Variants in BRSK2 observed in about 807,000 individuals in gnomAD.
BRSK2 encodes the protein BR serine/threonine kinase 2.
Under a neutral mutation model 83.3 loss-of-function variants are expected in BRSK2, and 19 were observed. The observed-to-expected ratio is 0.23, with a 90% confidence interval of 0.16 to 0.33. BRSK2 has a LOEUF of 0.33. BRSK2 is among the 10% of genes least tolerant of loss of function. The pLI is 1.00. For synonymous variants in BRSK2, 519 were observed against 435.4 expected (o/e 1.19, Z -2.39); for missense variants, 798 against 1,042.3 (o/e 0.77, Z 3.23).
intron 1 of BRSK2, among the ~76,000 whole-genome samples, chr11:1,421,128 G>T (rs1163051299): frequency 6.6e-6 from 1 of 152,206 alleles, no homozygotes; most frequent in Non-Finnish European, 1.5e-5. Context: ...CCTCCTCCTG[G>T]TACAGTCCCA....
In BRSK2 at chr11:1,450,708, T is replaced by C; in HGVS notation, c.1409T>C (p.Val470Ala). 1.2e-6 allele frequency: 2 copies of C among 1,606,428 alleles called. No individual in the cohort carries two copies. The highest frequency in any genetic ancestry group is 8.5e-7 in the Non-Finnish European group (1 of 1,177,846). ...CCCACGCCCCCGTCCAGCCCCAGCG[T>C]CGGAGGGGTGCCCTGGAGGGCGCGG... ...PNPTPPSSPS[V>A]GGVPWRARLN... Residue 470 changes from valine to alanine, a missense_variant, in exon 14 of 20, where the codon GTC becomes GCC. Coordinates refer to ENST00000528841, the MANE Select transcript of BRSK2 (RefSeq NM_001256627.2).
intron 1 of BRSK2, among the ~76,000 whole-genome samples, chr11:1,427,412 C>T (rs528762189): frequency 4.6e-5 from 7 of 152,300 alleles, no homozygotes; most frequent in South Asian, 2.1e-4. Context: ...CTCTCCTGGC[C>T]GGCTCAGGAG....
Position 1,411,851 on chromosome 11 carries a change from C to T in BRSK2, c.91+21476C>T, listed in dbSNP as rs532127856. 2.0e-3 allele frequency among the ~76,000 whole-genome samples: 300 copies of T among 152,312 alleles called. 1 individual carries two copies. The highest frequency in any genetic ancestry group is 7.0e-3 in the African/African-American group (293 of 41,584). Reference sequence around the variant, plus strand: ...GTGGAGAGGCTCCTGCCCACTGGCCCGGCCTGGCATCCGGGCCCTCATCTT... The same window carrying T: ...GTGGAGAGGCTCCTGCCCACTGGCCTGGCCTGGCATCCGGGCCCTCATCTT... On this transcript the variant is annotated intron_variant, in intron 1 of 19. Coordinates refer to ENST00000528841, the MANE Select transcript of BRSK2 (RefSeq NM_001256627.2).
chr11:1,449,322 G>A (rs1027964737), intron 12 of BRSK2, among the ~76,000 whole-genome samples: 4 of 152,330 alleles, frequency 2.6e-5, no homozygotes, highest in South Asian at 4.1e-4. Flanking sequence ...CATCCCTCAC[G>A]GGCATCTAGG....
chr11:1,457,047 C>T (rs1329848233), intron 18 of BRSK2: 5 of 1,581,830 alleles, frequency 3.2e-6, no homozygotes, highest in Admixed American at 1.7e-5. Context: ...CTGACGCTGG[C>T]AGGTAAGGCG....
At chr11:1,426,647 G>C (rs944832790) in intron 1 of BRSK2, among the ~76,000 whole-genome samples, 1 of 152,110 alleles carries the variant, frequency 6.6e-6, no homozygotes, top group Admixed American at 6.5e-5. Flanking sequence ...AAGGTGCCCC[G>C]TGTCTTTTCT....
intron 1 of BRSK2, chr11:1,411,259 G>T: frequency 7.7e-7 from 1 of 1,298,222 alleles, no homozygotes; most frequent in South Asian, 2.6e-5. Context: ...CCTTGCTCCT[G>T]GGCCAGATCA....
chr11:1,440,722 G>A lies in BRSK2; in HGVS notation c.273-66G>A, dbSNP rs1851112363. 8.6e-6 allele frequency: 13 copies of A among 1,519,062 alleles called. No homozygotes were observed. In the African/African-American group the frequency reaches 1.1e-4, roughly 13 times the overall value. 94.1% of individuals were successfully genotyped at this position (1,519,062 alleles called of 1,614,324 possible). ...CTGGGCCAGGAGGCGGCTGTGGGAG[G>A]CCCTGGGATGAGGAGGGGCGGCGGG... is the stretch of plus-strand genomic sequence containing the variant. On this transcript the variant is annotated intron_variant, in intron 3 of 19. Coordinates refer to ENST00000528841, the MANE Select transcript of BRSK2 (RefSeq NM_001256627.2).
chr11:1,407,506 A>C (rs989169174), intron 1 of BRSK2, among the ~76,000 whole-genome samples: 2 of 151,916 alleles, frequency 1.3e-5, no homozygotes, highest in African/African-American at 4.8e-5. Flanking sequence ...CTTCAAGGAA[A>C]TTGCTGACCC....
intron 1 of BRSK2, among the ~76,000 whole-genome samples, chr11:1,428,875 T>G (rs1849560376): frequency 6.6e-6 from 1 of 151,846 alleles, no homozygotes; most frequent in Non-Finnish European, 1.5e-5. Flanking sequence ...TGCATGGGTG[T>G]GTGCACACGG....
rs1021382395 is a variant in BRSK2, at chr11:1,462,131, C to G, written c.*1408C>G. The G allele has an allele frequency of 1.3e-5, 2 of 152,208 alleles. No homozygotes were observed. The highest frequency in any genetic ancestry group is 3.9e-4 in the East Asian group (2 of 5,148). The allele number at this position is 152,208 out of a possible 1,614,324, so 9.4% of individuals were successfully genotyped here. A position where few individuals can be genotyped will look rare whatever the true frequency, so the allele number is the denominator to read the frequency against. ...AAAAAAAAGGACAAAGAGTCGGTGG[C>G]GCTCCTCTGCAGGGCGTTCTGTGCA... On this transcript the variant is annotated 3_prime_UTR_variant, in exon 20 of 20. Transcript: ENST00000528841.
chr11:1,391,073 C>A (rs555750655), intron 1 of BRSK2, among the ~76,000 whole-genome samples: 1 of 152,288 alleles, frequency 6.6e-6, no homozygotes, highest in African/African-American at 2.4e-5. Context: ...CCCGGTGGGG[C>A]CTGGCTGTCA....
At position 1,443,654 on chromosome 11, in the gene BRSK2, G is replaced by A; in HGVS notation, c.780+19G>A. 2 of 1,559,600 alleles carry A rather than the reference G, an allele frequency of 1.3e-6. No homozygotes were observed. The highest frequency in any genetic ancestry group is 1.5e-5 in the African/African-American group (1 of 67,152). ...CCTCACGGTGCGTGCCCTCGGAGCGGGGCGGCCCCAGAGCGTGGCGGGGGG... is the reference window on the plus strand; with the variant it reads ...CCTCACGGTGCGTGCCCTCGGAGCGAGGCGGCCCCAGAGCGTGGCGGGGGG... On this transcript the variant is annotated intron_variant, in intron 8 of 19. Coordinates refer to ENST00000528841, the MANE Select transcript of BRSK2 (RefSeq NM_001256627.2).
Position 1,462,345 on chromosome 11 carries a change from G to C in BRSK2, c.*1622G>C, listed in dbSNP as rs947320629. On this transcript the variant is annotated 3_prime_UTR_variant, in exon 20 of 20. Coordinates refer to ENST00000528841, the MANE Select transcript of BRSK2 (RefSeq NM_001256627.2). ...GTCTGATGCATGCCTCTGCCATGGAGTCGTCTGTCTGCTTCGGTGCCTGCC... is the reference window on the plus strand; with the variant it reads ...GTCTGATGCATGCCTCTGCCATGGACTCGTCTGTCTGCTTCGGTGCCTGCC... 6.6e-6 allele frequency: 1 copy of C among 152,292 alleles called. No homozygotes were observed. Among genetic ancestry groups the C allele is most frequent in the Non-Finnish European group, 1.5e-5 (1 of 68,078 alleles). The allele number at this position is 152,292 out of a possible 1,614,324, so 9.4% of individuals were successfully genotyped here. A position where few individuals can be genotyped will look rare whatever the true frequency, so the allele number is the denominator to read the frequency against.
Position 1,450,627 on chromosome 11 carries a change from C to T in BRSK2, c.1328C>T (p.Thr443Ile). ...TCACCAAGGGGCAGTCCCCTCCCCA[C>T]CCCCAAGGGGACACCTGTCCACACG... ...HPSPRGSPLP[T>I]PKGTPVHTPK... is the part of the protein sequence containing the mutation. The change falls in exon 14 of 20, where the codon ACC (threonine) becomes ATC (isoleucine). Residue 443 changes from threonine (T) to isoleucine (I), a missense_variant. This residue lies in a region of BRSK2 where 455 missense variants were observed against 455.2 expected (regional missense o/e 1.00). Coordinates refer to ENST00000528841, the MANE Select transcript of BRSK2 (RefSeq NM_001256627.2). 2 of 1,600,470 alleles carry T rather than the reference C, an allele frequency of 1.2e-6. No homozygotes were observed. Among genetic ancestry groups the T allele is most frequent in the South Asian group, 1.1e-5 (1 of 89,618 alleles).
chr11:1,436,621 G>T (rs544012013), intron 2 of BRSK2, among the ~76,000 whole-genome samples: 1 of 152,268 alleles, frequency 6.6e-6, no homozygotes, highest in South Asian at 2.1e-4. Context: ...GGGTTTCTGG[G>T]CTGTGACCCA....
Position 1,411,925 on chromosome 11 carries a change from AACGTGGCCTTGGTC to A in BRSK2, c.91+21553_91+21566del, listed in dbSNP as rs577300451. On this transcript the variant is annotated intron_variant, in intron 1 of 19. Coordinates refer to ENST00000528841, the MANE Select transcript of BRSK2 (RefSeq NM_001256627.2). ...CCCTGTGCTGCCCCATCCTGTGGGG[AACGTGGCCTTGGTC>A]ACCAGCCTTAACAGCAGTCCTGCGG... Among the ~76,000 whole-genome samples, 3 of 152,194 alleles carry A rather than the reference AACGTGGCCTTGGTC, an allele frequency of 2.0e-5. No homozygotes were observed. In the South Asian group the frequency reaches 6.2e-4, roughly 32 times the overall value.
intron 1 of BRSK2, among the ~76,000 whole-genome samples, chr11:1,433,261 C>T (rs896023194): frequency 6.6e-6 from 1 of 152,248 alleles, no homozygotes; most frequent in Non-Finnish European, 1.5e-5. Context: ...GCTTCGCCAC[C>T]TACCCTGGGA....
At chr11:1,456,204 G>A (rs1846513159) in intron 16 of BRSK2, 144 bp from the exon 17 acceptor site, 5 of 867,332 alleles carry the variant, frequency 5.8e-6, no homozygotes, top group East Asian at 2.8e-5. Context: ...GTCTCCAACC[G>A]CACTGTGCCC....
Sources: allele counts gnomAD v4.1 joint callset (sites outside exome capture counted in the v4.1 genomes callset), GRCh38; gene constraint gnomAD v4.1.1; regional missense constraint gnomAD v4.1.1; transcripts MANE v1.5; gene names NCBI Gene and HGNC (gene_info 2026-07-23, HGNC 2026-07-21).